Variants in SCHIP1 observed in about 807,000 individuals in gnomAD.
SCHIP1 encodes schwannomin interacting protein 1.
Under a neutral mutation model 29.7 loss-of-function variants are expected in SCHIP1, and 8 were observed. The ratio of observed to expected loss-of-function variants is 0.27; its 90% confidence interval spans 0.16 to 0.49. The LOEUF is 0.49. SCHIP1 is among the 20% of genes least tolerant of loss of function. The pLI is 0.99. For synonymous variants in SCHIP1, 76 were observed against 94.9 expected (o/e 0.80, Z 1.16); for missense variants, 193 against 294.6 (o/e 0.66, Z 2.52).
chr3:159,624,862 C>T, the SCHIP1 span, among the ~76,000 whole-genome samples: 2 of 152,268 alleles, frequency 1.3e-5, no homozygotes, highest in South Asian at 2.1e-4. Flanking sequence ...TTGGCAATCT[C>T]CCTGGATAGC....
the SCHIP1 span, among the ~76,000 whole-genome samples, chr3:159,496,006 G>A: frequency 1.3e-5 from 2 of 152,186 alleles, no homozygotes; most frequent in Non-Finnish European, 2.9e-5. Context: ...AATGGGGAAA[G>A]CATTCCCTAT....
the SCHIP1 span, among the ~76,000 whole-genome samples, chr3:159,809,855 G>C: frequency 1.3e-5 from 2 of 151,956 alleles, no homozygotes; most frequent in Non-Finnish European, 2.9e-5. Flanking sequence ...ACAAAAATTA[G>C]CTGGGGCATG....
At chr3:159,408,284 C>T in the SCHIP1 span, among the ~76,000 whole-genome samples, 2 of 151,324 alleles carry the variant, frequency 1.3e-5, no homozygotes, top group Non-Finnish European at 2.9e-5. Flanking sequence ...GGCAACAGAG[C>T]AAGACTCTAT....
the SCHIP1 span, among the ~76,000 whole-genome samples, chr3:159,389,034 A>G: frequency 6.6e-6 from 1 of 152,004 alleles, no homozygotes; most frequent in Non-Finnish European, 1.5e-5. Context: ...AAATACTGAG[A>G]TATTTTATCT....
chr3:159,290,215 A>C, the SCHIP1 span, among the ~76,000 whole-genome samples: 4 of 152,238 alleles, frequency 2.6e-5, no homozygotes, highest in East Asian at 7.7e-4. Flanking sequence ...TTACTCATAC[A>C]AAGTGATCTT....
chr3:159,575,816 C>G, the SCHIP1 span, among the ~76,000 whole-genome samples: 1 of 152,090 alleles, frequency 6.6e-6, no homozygotes, highest in South Asian at 2.1e-4. Context: ...AAGCTTTGAT[C>G]ATCCTCCTTC....
chr3:159,740,360 G>T, the SCHIP1 span, among the ~76,000 whole-genome samples: 1 of 152,182 alleles, frequency 6.6e-6, no homozygotes, highest in Non-Finnish European at 1.5e-5. Flanking sequence ...CCAAAAGGTT[G>T]TTGTGTCCTG....
chr3:159,558,547 G>A, the SCHIP1 span, among the ~76,000 whole-genome samples: 55 of 152,166 alleles, frequency 3.6e-4, no homozygotes, highest in African/African-American at 1.1e-3. Flanking sequence ...CGAGGATTAC[G>A]GAGGAAAGAA....
the SCHIP1 span, among the ~76,000 whole-genome samples, chr3:159,305,486 C>CG: frequency 6.6e-6 from 1 of 152,182 alleles, no homozygotes; most frequent in African/African-American, 2.4e-5. Context: ...AAGTATTGCT[C>CG]CTTTTTCTGT....
the SCHIP1 span, among the ~76,000 whole-genome samples, chr3:159,443,371 G>C: frequency 6.6e-6 from 1 of 152,140 alleles, no homozygotes; most frequent in East Asian, 1.9e-4. Flanking sequence ...TATCCAAACA[G>C]TAATAGGAGT....
the SCHIP1 span, among the ~76,000 whole-genome samples, chr3:159,415,476 T>C: frequency 0.54 from 82,431 of 151,962 alleles, 23,723 homozygotes; most frequent in East Asian, 0.75. Flanking sequence ...TACACCCTGG[T>C]GTCTGTTGTT....
the SCHIP1 span, among the ~76,000 whole-genome samples, chr3:159,384,505 G>T: frequency 5.9e-4 from 83 of 140,502 alleles, no homozygotes; most frequent in East Asian, 0.012. Context: ...GCTGGATTCG[G>T]TTTGCCAGTA....
At chr3:159,312,639 T>C in the SCHIP1 span, among the ~76,000 whole-genome samples, 94 of 152,256 alleles carry the variant, frequency 6.2e-4, 1 homozygote, top group South Asian at 0.011. Context: ...CCCATTTTGG[T>C]CACCAAGCAC....
At chr3:159,521,068 T>A in the SCHIP1 span, among the ~76,000 whole-genome samples, 2 of 152,234 alleles carry the variant, frequency 1.3e-5, no homozygotes, top group South Asian at 4.1e-4. Flanking sequence ...ATTGCCAACT[T>A]GCTTTCTGTA....
chr3:159,680,670 T>TA, the SCHIP1 span, among the ~76,000 whole-genome samples: 1 of 8,186 alleles, frequency 1.2e-4, no homozygotes, highest in Non-Finnish European at 2.5e-4. Context: ...AAAATATATA[T>TA]TATATATATA....
the SCHIP1 span, among the ~76,000 whole-genome samples, chr3:159,457,066 A>C: frequency 2.0e-5 from 3 of 152,194 alleles, no homozygotes; most frequent in Non-Finnish European, 4.4e-5. Flanking sequence ...AAATTACAAA[A>C]GCTTGCATAT....
chr3:159,856,235 C>T (rs188202652), intron 1 of SCHIP1, among the ~76,000 whole-genome samples: 4 of 152,274 alleles, frequency 2.6e-5, no homozygotes, highest in Admixed American at 1.3e-4. Flanking sequence ...TCTCATGTTC[C>T]TGGCACTGTG....
chr3:159,513,974 A>G, the SCHIP1 span, among the ~76,000 whole-genome samples: 6 of 152,238 alleles, frequency 3.9e-5, no homozygotes, highest in Non-Finnish European at 8.8e-5. Flanking sequence ...ATAGCATCCT[A>G]TAAAAACAAA....
the SCHIP1 span, among the ~76,000 whole-genome samples, chr3:159,776,469 G>A: frequency 1.3e-5 from 2 of 151,998 alleles, no homozygotes; most frequent in Non-Finnish European, 2.9e-5. Context: ...GGTTCGGCAA[G>A]GAGTAAGAGA....
Sources: gnomAD v4.1 joint callset for allele counts (sites outside exome capture counted in the v4.1 genomes callset) on GRCh38, gnomAD v4.1.1 for gene constraint, MANE v1.5 for transcripts, NCBI Gene and HGNC (gene_info 2026-07-23, HGNC 2026-07-21) for gene names.